Variants in MAMDC2 observed in about 807,000 individuals in gnomAD.
MAMDC2 encodes MAM domain-containing protein 2.
Under a neutral mutation model 89.8 loss-of-function variants are expected in MAMDC2, and 57 were observed. The observed-to-expected ratio is 0.63, with a 90% CI of 0.51 to 0.79. The LOEUF (loss-of-function observed/expected upper bound fraction) is 0.79. Among genes scored for constraint, MAMDC2 ranks in the 30% least tolerant of loss-of-function variants. The probability of loss-of-function intolerance (pLI) is 0.00; values close to 1 mark genes in which losing one functional copy is unlikely to be tolerated. For missense variants in MAMDC2, 800 were observed against 820.6 expected, an observed-to-expected ratio of 0.97 and a Z score of 0.31; for synonymous variants, 313 against 293.4, an observed-to-expected ratio of 1.07 and a Z score of -0.68.
intron 11 of MAMDC2, among the ~76,000 whole-genome samples, chr9:70,193,470 A>G (rs1249581303): frequency 6.6e-6 from 1 of 152,142 alleles, no homozygotes; most frequent in Non-Finnish European, 1.5e-5. Context: ...ATCCTGAGAT[A>G]GCAACAAGAA....
chr9:70,168,822 T>G, intron 10 of MAMDC2, 27 bp downstream of exon 10: 4 of 1,540,758 alleles, frequency 2.6e-6, no homozygotes, highest in Non-Finnish European at 3.6e-6. Flanking sequence ...TTTAGCTCTC[T>G]GTCTCTCTGA....
At chr9:70,171,230 G>A (rs1469038705) in intron 11 of MAMDC2, 1 of 152,404 alleles carries the variant, frequency 6.6e-6, no homozygotes, top group Non-Finnish European at 1.5e-5. Context: ...CATGTGTGGT[G>A]GCTCACTCCT....
intron 11 of MAMDC2, among the ~76,000 whole-genome samples, chr9:70,211,333 C>CT (rs1183281660): frequency 2.0e-5 from 3 of 152,060 alleles, no homozygotes; most frequent in African/African-American, 7.2e-5. Context: ...TCTTTTCACT[C>CT]TTTTTTTCTC....
Position 70,126,485 on chromosome 9 carries a change from A to G in MAMDC2, c.900+70A>G, listed in dbSNP as rs552005054. 42 of 1,502,552 alleles carry G rather than the reference A, an allele frequency of 2.8e-5. 2 individuals are homozygous for G. The Admixed American group carries it at 6.9e-4, about 25-fold the overall frequency. The allele number at this position is 1,502,552 out of a possible 1,614,324, so 93.1% of individuals were successfully genotyped here. ...ACATGCCACCCACACACAGGGCTGG[A>G]GATGGAGAGGCTGTGCAGCCTCACA... On this transcript the variant is annotated intron_variant, in intron 6 of 13. Coordinates refer to ENST00000377182, the MANE Select transcript of MAMDC2 (RefSeq NM_153267.5).
At chr9:70,106,756 T>C (rs1398737596) in intron 2 of MAMDC2, among the ~76,000 whole-genome samples, 1 of 152,184 alleles carries the variant, frequency 6.6e-6, no homozygotes, top group African/African-American at 2.4e-5. Flanking sequence ...GGGCGGTTGC[T>C]ATGTTAAGAA....
chr9:70,156,270 A>T (rs2031762822), intron 9 of MAMDC2, among the ~76,000 whole-genome samples: 1 of 152,222 alleles, frequency 6.6e-6, no homozygotes, highest in South Asian at 2.1e-4. Context: ...TTACAGAATG[A>T]CAATATGATT....
chr9:70,218,772 CAG>C lies in MAMDC2; in HGVS notation c.1911+177_1911+178del, dbSNP rs2033498246. On this transcript the variant is annotated intron_variant, in intron 12 of 13. Coordinates refer to ENST00000377182, the MANE Select transcript of MAMDC2 (RefSeq NM_153267.5). ...TACATTGATTAAATCTAAGCAGTGA[CAG>C]GGAGAGAAAGCTTTGAGAATTTATG... Among the ~76,000 whole-genome samples the C allele has an allele frequency of 3.3e-5, 5 of 152,166 alleles. No homozygotes were observed. The South Asian group carries it at 8.3e-4, about 25-fold the overall frequency.
intron 11 of MAMDC2, among the ~76,000 whole-genome samples, chr9:70,214,552 A>G (rs2033411476): frequency 6.6e-6 from 1 of 152,226 alleles, no homozygotes; most frequent in South Asian, 2.1e-4. Context: ...ACCCAGTGGA[A>G]GGTTTTAAAT....
chr9:70,177,879 A>G (rs2032545550), intron 11 of MAMDC2, among the ~76,000 whole-genome samples: 1 of 152,236 alleles, frequency 6.6e-6, no homozygotes, highest in Non-Finnish European at 1.5e-5. Context: ...GACCCTTCAC[A>G]CCAAAGCAGA....
At chr9:70,215,783 C>A (rs1335237389) in intron 11 of MAMDC2, among the ~76,000 whole-genome samples, 1 of 152,092 alleles carries the variant, frequency 6.6e-6, no homozygotes, top group East Asian at 1.9e-4. Context: ...CTGAGTCAGC[C>A]CAGTTTTGCA....
chr9:70,166,879 C>G (rs915950559), intron 9 of MAMDC2, among the ~76,000 whole-genome samples: 1 of 152,096 alleles, frequency 6.6e-6, no homozygotes, highest in Admixed American at 6.6e-5. Flanking sequence ...ACCCCCCACA[C>G]CCCATAAAAT....
At chr9:70,130,432 G>A (rs371789281) in intron 6 of MAMDC2, among the ~76,000 whole-genome samples, 11 of 152,034 alleles carry the variant, frequency 7.2e-5, no homozygotes, top group Non-Finnish European at 1.3e-4. Context: ...TCCATGCTGC[G>A]TCTTCTCAGG....
intron 2 of MAMDC2, among the ~76,000 whole-genome samples, chr9:70,050,252 G>A (rs1336171711): frequency 6.6e-6 from 1 of 152,160 alleles, no homozygotes; most frequent in African/African-American, 2.4e-5. Flanking sequence ...CTGGCACATA[G>A]CAGGTGCTCG....
chr9:70,223,132 CAAAAAAAAA>C (rs57177475), intron 12 of MAMDC2, among the ~76,000 whole-genome samples: 9 of 119,084 alleles, frequency 7.6e-5, no homozygotes, highest in African/African-American at 2.1e-4. Flanking sequence ...GACTCTGTCT[CAAAAAAAAA>C]AAAAAAAAAA....
chr9:70,165,547 G>A (rs2032145365), intron 9 of MAMDC2, among the ~76,000 whole-genome samples: 1 of 152,200 alleles, frequency 6.6e-6, no homozygotes, highest in Non-Finnish European at 1.5e-5. Context: ...CACATGGTCT[G>A]GCGAATGTTT....
At chr9:70,224,514 T>C (rs2033615225) in intron 12 of MAMDC2, among the ~76,000 whole-genome samples, 1 of 152,180 alleles carries the variant, frequency 6.6e-6, no homozygotes, top group Non-Finnish European at 1.5e-5. Context: ...GTCTGAAGAC[T>C]GAAGAACCTA....
intron 2 of MAMDC2, among the ~76,000 whole-genome samples, chr9:70,057,136 T>C (rs1827041485): frequency 6.6e-6 from 1 of 152,126 alleles, no homozygotes; most frequent in Non-Finnish European, 1.5e-5. Context: ...TGTGGGAAAA[T>C]TGTCTCCCAC....
chr9:70,067,447 G>A lies in MAMDC2; in HGVS notation c.148+22750G>A, dbSNP rs117482217. Among the ~76,000 whole-genome samples the A allele has an allele frequency of 9.5e-4, 145 of 152,164 alleles. No individual in the cohort carries two copies. The East Asian group carries it at 0.011, about 11-fold the overall frequency. ...CAGATACAGCTTCCAGTAGATTTCCGGGCAGCTACCAACAATCCCATCAAA... is the reference window on the plus strand; with the variant it reads ...CAGATACAGCTTCCAGTAGATTTCCAGGCAGCTACCAACAATCCCATCAAA... On this transcript the variant is annotated intron_variant, in intron 2 of 13. Transcript: ENST00000377182.
chr9:70,152,285 G>T (rs2031607566), intron 9 of MAMDC2, among the ~76,000 whole-genome samples: 1 of 132,368 alleles, frequency 7.6e-6, no homozygotes, highest in African/African-American at 2.5e-5. Context: ...GCAACGCTAA[G>T]AGTTTCCCTC....
Sources: gnomAD v4.1 joint callset for allele counts (sites outside exome capture counted in the v4.1 genomes callset) on GRCh38, gnomAD v4.1.1 for gene constraint, MANE v1.5 for transcripts, NCBI Gene and HGNC (gene_info 2026-07-23, HGNC 2026-07-21) for gene names.